Variants in PSD3 observed in about 807,000 individuals in gnomAD.
The protein encoded by PSD3 is PH and SEC7 domain-containing protein 3.
A neutral mutation model predicts 105.5 loss-of-function variants in PSD3; 49 were observed. That is an observed-to-expected ratio of 0.46 (90% CI 0.37 to 0.59). PSD3 has a LOEUF of 0.59. Ranked by LOEUF, PSD3 falls within the 20% of genes least tolerant of loss-of-function variation. The pLI, the probability that PSD3 is intolerant of heterozygous loss-of-function variation, is 0.00. For missense variants in PSD3, 1,561 were observed against 1,263.8 expected (o/e 1.24, Z -3.57); for synonymous variants, 557 against 457.8 (o/e 1.22, Z -2.77).
chr8:18,755,145 A>C (rs1218606501), intron 9 of PSD3, among the ~76,000 whole-genome samples: 1 of 152,080 alleles, frequency 6.6e-6, no homozygotes, highest in Non-Finnish European at 1.5e-5. Flanking sequence ...TGCTCCAAAC[A>C]AGGCCGGGTG....
intron 11 of PSD3, among the ~76,000 whole-genome samples, chr8:18,618,647 C>A (rs754289161): frequency 2.6e-5 from 4 of 151,886 alleles, no homozygotes; most frequent in Non-Finnish European, 5.9e-5. Flanking sequence ...AGGTATTAGC[C>A]GTATTTGATT....
At chr8:18,790,987 G>C (rs1315221176) in intron 8 of PSD3, among the ~76,000 whole-genome samples, 1 of 152,122 alleles carries the variant, frequency 6.6e-6, no homozygotes, top group African/African-American at 2.4e-5. Context: ...GCCAACAAAA[G>C]AATAACATAC....
rs183792270 is a variant in PSD3, at chr8:18,872,552, G to A, written c.312C>T (p.Leu104=). 4.2e-4 allele frequency: 684 copies of A among 1,613,954 alleles called. No homozygotes were observed. Among genetic ancestry groups the A allele is most frequent in the Middle Eastern group, 9.9e-4 (6 of 6,062 alleles). ...VQPLTGCHSG[L]DSVTEGPKDV... is the part of the protein sequence containing the mutation. ...CTTTTGGTCCTTCTGTAACACTGTC[G>A]AGCCCAGAGTGGCAGCCAGTAAGAG... The change falls in exon 3 of 16, where the codon CTC becomes CTT. Residue 104 remains leucine, a synonymous_variant. Transcript: ENST00000327040.
At chr8:19,071,666 T>C (rs534366134) in intron 1 of PSD3, among the ~76,000 whole-genome samples, 8 of 152,316 alleles carry the variant, frequency 5.3e-5, no homozygotes, top group African/African-American at 1.7e-4. Flanking sequence ...ATGACTTTTA[T>C]AGAGTTAGTC....
intron 3 of PSD3, among the ~76,000 whole-genome samples, chr8:18,870,020 G>A (rs115039237): frequency 3.1e-3 from 467 of 152,220 alleles, no homozygotes; most frequent in African/African-American, 0.011. Flanking sequence ...ATATTCCAGT[G>A]GGAATATAAA....
intron 8 of PSD3, among the ~76,000 whole-genome samples, chr8:18,794,830 TTGTCTC>T (rs1810036376): frequency 2.7e-5 from 2 of 73,988 alleles, no homozygotes; most frequent in East Asian, 5.1e-4. Flanking sequence ...TCTCTATACT[TTGTCTC>T]TGTGTCTTTT....
At chr8:19,033,013 G>C (rs562763593) in intron 1 of PSD3, among the ~76,000 whole-genome samples, 29 of 152,174 alleles carry the variant, frequency 1.9e-4, no homozygotes, top group Middle Eastern at 3.4e-3. Flanking sequence ...GGGAAGCGGA[G>C]GTGGGAAGAT....
At chr8:18,621,783 C>T (rs1395218122) in intron 11 of PSD3, among the ~76,000 whole-genome samples, 2 of 152,114 alleles carry the variant, frequency 1.3e-5, no homozygotes, top group South Asian at 2.1e-4. Flanking sequence ...CTTGGCTTTG[C>T]CTGTACTTAA....
At chr8:18,779,882 G>A (rs1808442738) in intron 8 of PSD3, among the ~76,000 whole-genome samples, 1 of 152,278 alleles carries the variant, frequency 6.6e-6, no homozygotes, top group African/African-American at 2.4e-5. Flanking sequence ...CATGTGATAA[G>A]AATACTTGTT....
chr8:18,965,931 T>C (rs1409612891), intron 1 of PSD3, among the ~76,000 whole-genome samples: 2 of 152,236 alleles, frequency 1.3e-5, no homozygotes, highest in African/African-American at 2.4e-5. Flanking sequence ...TCCGTGCCCA[T>C]TTCCTCTTGT....
Position 19,004,740 on chromosome 8 carries a change from G to A in PSD3, c.21+8823C>T, listed in dbSNP as rs150372177. On this transcript the variant is annotated intron_variant, in intron 1 of 15. Coordinates refer to ENST00000327040, the MANE Select transcript of PSD3 (RefSeq NM_015310.4). ...AACTCCCACAATTCCCATGTGTCGT[G>A]TGAGGAAGCCGGTGGAAGGTAATTG... is the stretch of plus-strand genomic sequence containing the variant. Among the ~76,000 whole-genome samples, 28 of 152,200 alleles carry A rather than the reference G, an allele frequency of 1.8e-4. 1 individual carries two copies. In the East Asian group the frequency reaches 5.2e-3, roughly 28 times the overall value.
At chr8:18,788,870 A>C (rs542861932) in intron 8 of PSD3, among the ~76,000 whole-genome samples, 1 of 152,322 alleles carries the variant, frequency 6.6e-6, no homozygotes, top group East Asian at 1.9e-4. Flanking sequence ...CTATCAAATA[A>C]GTTTGATTAT....
At chr8:18,853,451 T>C (rs1453138905) in intron 4 of PSD3, among the ~76,000 whole-genome samples, 1 of 152,142 alleles carries the variant, frequency 6.6e-6, no homozygotes, top group South Asian at 2.1e-4. Context: ...TTTAGCATCG[T>C]TGACCTCACT....
chr8:18,551,085 G>A (rs983990748), intron 15 of PSD3, among the ~76,000 whole-genome samples: 3 of 152,110 alleles, frequency 2.0e-5, no homozygotes, highest in African/African-American at 4.8e-5. Context: ...TGTTTCAGAG[G>A]GTGGGTTTGC....
At chr8:18,909,354 G>A (rs1001641529) in intron 2 of PSD3, among the ~76,000 whole-genome samples, 2 of 152,268 alleles carry the variant, frequency 1.3e-5, no homozygotes, top group South Asian at 2.1e-4. Flanking sequence ...TTCAATATAT[G>A]AACGGTATAG....
intron 4 of PSD3, among the ~76,000 whole-genome samples, chr8:18,864,529 T>C (rs1348513628): frequency 1.3e-5 from 2 of 152,176 alleles, no homozygotes; most frequent in Admixed American, 1.3e-4. Context: ...TTTCCTTGGT[T>C]CATGTCTACC....
At chr8:18,946,995 T>TG (rs1446568246) in intron 1 of PSD3, among the ~76,000 whole-genome samples, 6 of 151,808 alleles carry the variant, frequency 4.0e-5, no homozygotes, top group Non-Finnish European at 8.8e-5. Flanking sequence ...GACATACACC[T>TG]GCACATAAAC....
At chr8:18,584,323 G>A (rs1177376212) in intron 12 of PSD3, among the ~76,000 whole-genome samples, 1 of 152,188 alleles carries the variant, frequency 6.6e-6, no homozygotes, top group Non-Finnish European at 1.5e-5. Context: ...TTGAAGCTGG[G>A]TGAAGTCATA....
chr8:18,759,733 T>G (rs1166228548), intron 9 of PSD3, among the ~76,000 whole-genome samples: 1 of 151,852 alleles, frequency 6.6e-6, no homozygotes, highest in East Asian at 2.0e-4. Context: ...AATGAAATTA[T>G]GGGACGGCCA....
Sources: allele counts gnomAD v4.1 joint callset (sites outside exome capture counted in the v4.1 genomes callset), GRCh38; gene constraint gnomAD v4.1.1; transcripts MANE v1.5; gene names NCBI Gene and HGNC (gene_info 2026-07-23, HGNC 2026-07-21).